SRGAP2: variants seen among roughly 807,000 people sequenced by gnomAD.
SRGAP2 encodes the protein SLIT-ROBO Rho GTPase activating protein 2.
SRGAP2 carries 15 observed loss-of-function variants against 57.2 expected under a neutral mutation model. That is an observed-to-expected ratio of 0.26 (90% CI 0.18 to 0.40). The LOEUF (loss-of-function observed/expected upper bound fraction) is 0.40. SRGAP2 is among the 10% of genes least tolerant of loss of function. SRGAP2 has a pLI of 1.00. For missense variants in SRGAP2, 520 were observed against 669.6 expected (o/e 0.78, Z 2.47); for synonymous variants, 249 against 248.0 (o/e 1.00, Z -0.04).
intron 4 of SRGAP2, among the ~76,000 whole-genome samples, chr1:206,363,355 A>G (rs1352772187): frequency 1.3e-5 from 2 of 151,412 alleles, no homozygotes; most frequent in Admixed American, 6.6e-5. Context: ...GTAGTCCAGA[A>G]ATTCCTCTGT....
intron 17 of SRGAP2, among the ~76,000 whole-genome samples, chr1:206,441,109 C>T (rs377691425): frequency 1.1e-4 from 16 of 152,162 alleles, no homozygotes; most frequent in Non-Finnish European, 2.1e-4. Context: ...TTGGCATGAG[C>T]GACAGGGACA....
chr1:206,439,481 T>C (rs1215185087), intron 16 of SRGAP2, among the ~76,000 whole-genome samples: 2 of 150,798 alleles, frequency 1.3e-5, no homozygotes, highest in Non-Finnish European at 3.0e-5. Flanking sequence ...CAGCCTCTCT[T>C]CCCACCGAGA....
At chr1:206,248,534 C>T (rs565010260) in intron 2 of SRGAP2, among the ~76,000 whole-genome samples, 13 of 152,058 alleles carry the variant, frequency 8.5e-5, no homozygotes, top group Admixed American at 7.9e-4. Flanking sequence ...AAAGACCTAT[C>T]AAACTGCAGA....
intron 14 of SRGAP2, among the ~76,000 whole-genome samples, chr1:206,432,400 C>G (rs184158525): frequency 2.6e-4 from 40 of 152,290 alleles, no homozygotes; most frequent in Non-Finnish European, 1.8e-4. Flanking sequence ...CACTTACGAT[C>G]CAGCAGATCC....
intron 4 of SRGAP2, among the ~76,000 whole-genome samples, chr1:206,377,391 A>T (rs1396866969): frequency 7.9e-5 from 12 of 151,560 alleles, no homozygotes; most frequent in Admixed American, 7.9e-4. Context: ...AAGCTGGATC[A>T]TTATAACCTG....
chr1:206,423,878 A>G (rs1303865799), intron 13 of SRGAP2, among the ~76,000 whole-genome samples: 2 of 151,266 alleles, frequency 1.3e-5, no homozygotes, highest in Non-Finnish European at 2.9e-5. Flanking sequence ...AGGCTCAAGC[A>G]GTGCACCCAC....
intron 18 of SRGAP2, 117 bp downstream of exon 18, chr1:206,446,416 C>T: frequency 1.4e-6 from 1 of 700,016 alleles, no homozygotes; most frequent in Non-Finnish European, 2.6e-6. Context: ...CTCCTCACTC[C>T]CAGGCTGCTA....
intron 6 of SRGAP2, among the ~76,000 whole-genome samples, 156 bp from the exon 7 acceptor site, chr1:206,393,389 A>G (rs1657205406): frequency 8.3e-6 from 1 of 119,984 alleles, no homozygotes; most frequent in African/African-American, 3.2e-5. Context: ...GTGCCCTTGA[A>G]TCTCATTAAA....
At chr1:206,272,689 G>A (rs1209650819) in intron 2 of SRGAP2, among the ~76,000 whole-genome samples, 1 of 152,216 alleles carries the variant, frequency 6.6e-6, no homozygotes, top group African/African-American at 2.4e-5. Flanking sequence ...TGGGATTACA[G>A]GTGTGAGCCA....
chr1:206,376,909 C>CTA lies in SRGAP2; in HGVS notation c.424-7101_424-7100dup, dbSNP rs1335392378. On this transcript the variant is annotated intron_variant, in intron 4 of 22. Coordinates refer to ENST00000573034, the MANE Select transcript of SRGAP2 (RefSeq NM_015326.5). ...TAATAATTTATATGATGAAACGCAG[C>CTA]TATATTGTTTAGTTCTTGTCATTAT... Among the ~76,000 whole-genome samples, 3 of 150,582 alleles carry CTA rather than the reference C, an allele frequency of 2.0e-5. No homozygotes were observed. The East Asian group carries it at 5.8e-4, about 29-fold the overall frequency.
Position 206,211,175 on chromosome 1 carries a change from G to A in SRGAP2, c.67+5138G>A, listed in dbSNP as rs368839243. Among the ~76,000 whole-genome samples, 71 of 124,722 alleles carry A rather than the reference G, an allele frequency of 5.7e-4. 1 individual carries two copies. Among genetic ancestry groups the A allele is most frequent in the East Asian group, 2.8e-3 (12 of 4,296 alleles). 81.8% of individuals were successfully genotyped at this position (124,722 alleles called of 152,430 possible). A position where few individuals can be genotyped will look rare whatever the true frequency, so the allele number is the denominator to read the frequency against. On this transcript the variant is annotated intron_variant, in intron 2 of 22. Transcript: ENST00000573034. ...CTATCTGGTAATTGTGGCCACATCC[G>A]TTATGTATCATGCAGGTTGAAAACT...
intron 2 of SRGAP2, among the ~76,000 whole-genome samples, chr1:206,260,504 A>G (rs1669485277): frequency 1.3e-5 from 2 of 152,218 alleles, no homozygotes; most frequent in Admixed American, 1.3e-4. Flanking sequence ...ATATCTGTGC[A>G]GTGTTTCTTT....
intron 14 of SRGAP2, among the ~76,000 whole-genome samples, chr1:206,432,109 G>A (rs903587401): frequency 2.0e-5 from 3 of 152,358 alleles, no homozygotes; most frequent in South Asian, 2.1e-4. Context: ...AGCTAAGACT[G>A]TAAGAAGGAG....
At chr1:206,429,176 A>G (rs1457893491) in intron 13 of SRGAP2, among the ~76,000 whole-genome samples, 1 of 152,188 alleles carries the variant, frequency 6.6e-6, no homozygotes, top group Non-Finnish European at 1.5e-5. Flanking sequence ...GTTCAGTGAC[A>G]TGAGCCAGAC....
At chr1:206,312,434 CT>C (rs1357144425) in intron 3 of SRGAP2, among the ~76,000 whole-genome samples, 3 of 152,128 alleles carry the variant, frequency 2.0e-5, no homozygotes, top group Non-Finnish European at 4.4e-5. Flanking sequence ...ACCTCCTCCC[CT>C]GGAAGCCATT....
At chr1:206,332,410 A>C (rs1297813262) in intron 3 of SRGAP2, among the ~76,000 whole-genome samples, 1 of 148,866 alleles carries the variant, frequency 6.7e-6, no homozygotes, top group Non-Finnish European at 1.5e-5. Context: ...GTGTTTTCCA[A>C]CTTGGTTCCA....
rs1660491713 is a variant in SRGAP2, at chr1:206,423,452, G to A, written c.1494+2178G>A. 2.0e-5 allele frequency among the ~76,000 whole-genome samples: 3 copies of A among 152,150 alleles called. No individual in the cohort carries two copies. In the South Asian group the frequency reaches 6.2e-4, roughly 32 times the overall value. On this transcript the variant is annotated intron_variant, in intron 13 of 22. Transcript: ENST00000573034. ...ATCGACTAGACATTCATACTTGAAAGTTGTGATAGCACCTTCTACCTTCAG... is the reference window on the plus strand; with the variant it reads ...ATCGACTAGACATTCATACTTGAAAATTGTGATAGCACCTTCTACCTTCAG...
chr1:206,361,409 C>A (rs1553340578), intron 4 of SRGAP2, among the ~76,000 whole-genome samples: 1 of 152,166 alleles, frequency 6.6e-6, no homozygotes, highest in African/African-American at 2.4e-5. Context: ...CCCAGACTCC[C>A]ATATGCCCAT....
intron 4 of SRGAP2, among the ~76,000 whole-genome samples, chr1:206,357,281 G>A (rs1220377720): frequency 2.7e-5 from 4 of 148,672 alleles, no homozygotes; most frequent in Non-Finnish European, 4.5e-5. Flanking sequence ...AAGTAGTAAC[G>A]TGTTTTTTTC....
Sources: allele counts gnomAD v4.1 joint callset (sites outside exome capture counted in the v4.1 genomes callset), GRCh38; gene constraint gnomAD v4.1.1; transcripts MANE v1.5; gene names NCBI Gene and HGNC (gene_info 2026-07-23, HGNC 2026-07-21).